Variants in CNTNAP2 observed in about 807,000 individuals in gnomAD.
The protein encoded by CNTNAP2 is contactin-associated protein-like 2.
In CNTNAP2, 98 loss-of-function variants were observed where a neutral mutation model predicts 155.2. That is an observed-to-expected ratio of 0.63 (90% CI 0.54 to 0.75). CNTNAP2 has a LOEUF of 0.75. Ranked by LOEUF, CNTNAP2 falls within the 30% of genes least tolerant of loss-of-function variation. The pLI, the probability that CNTNAP2 is intolerant of heterozygous loss-of-function variation, is 0.00. For missense variants in CNTNAP2, 1,727 were observed against 1,688.1 expected (o/e 1.02, Z -0.40); for synonymous variants, 651 against 631.2 (o/e 1.03, Z -0.47).
intron 20 of CNTNAP2, among the ~76,000 whole-genome samples, chr7:148,261,770 A>G (rs1269504555): frequency 6.6e-6 from 1 of 152,058 alleles, no homozygotes; most frequent in Non-Finnish European, 1.5e-5. Flanking sequence ...CATGGCTGAG[A>G]CGCTAGGGTC....
chr7:146,565,607 T>C (rs1295339550), intron 1 of CNTNAP2, among the ~76,000 whole-genome samples: 4 of 152,230 alleles, frequency 2.6e-5, no homozygotes, highest in Non-Finnish European at 4.4e-5. Context: ...TGAATAAGAC[T>C]GATTAGATGC....
rs563723513 is a variant in CNTNAP2 at position 146,238,748 on chromosome 7, AGCATG to A, written c.97+121778_97+121782del. ...AAGAGGCAAAACTGACTCACAGTTG[AGCATG>A]GCTGGGGAGGCCTCAGGAAACTTGC... On this transcript the variant is annotated intron_variant, in intron 1 of 23. Transcript: ENST00000361727. Among the ~76,000 whole-genome samples the A allele has an allele frequency of 8.1e-3, 1,239 of 152,212 alleles. 18 individuals are homozygous for A. Among genetic ancestry groups the A allele is most frequent in the African/African-American group, 0.028 (1,151 of 41,488 alleles).
intron 14 of CNTNAP2, among the ~76,000 whole-genome samples, chr7:147,951,721 G>A (rs1251640377): frequency 2.0e-5 from 3 of 151,548 alleles, no homozygotes; most frequent in Non-Finnish European, 2.9e-5. Context: ...TGAAAAATGA[G>A]AACACATGGA....
chr7:148,325,541 T>A (rs1287260973), intron 21 of CNTNAP2, among the ~76,000 whole-genome samples: 1 of 152,244 alleles, frequency 6.6e-6, no homozygotes, highest in Non-Finnish European at 1.5e-5. Context: ...GAAAACCATT[T>A]CAGCATCTAA....
intron 13 of CNTNAP2, among the ~76,000 whole-genome samples, chr7:147,839,338 G>C (rs1314019595): frequency 6.6e-6 from 1 of 151,990 alleles, no homozygotes; most frequent in African/African-American, 2.4e-5. Context: ...AACCATCACA[G>C]GTACCTAATA....
At chr7:146,891,649 G>A (rs1795779776) in intron 3 of CNTNAP2, among the ~76,000 whole-genome samples, 1 of 152,048 alleles carries the variant, frequency 6.6e-6, no homozygotes. Context: ...ACAATAATAT[G>A]ACATTATGAA....
intron 15 of CNTNAP2, among the ~76,000 whole-genome samples, chr7:148,058,200 G>A (rs1446872513): frequency 2.0e-5 from 3 of 152,106 alleles, no homozygotes; most frequent in Non-Finnish European, 4.4e-5. Flanking sequence ...CAGGTCAGGT[G>A]AAGCTAGTCT....
intron 1 of CNTNAP2, among the ~76,000 whole-genome samples, chr7:146,727,438 C>T (rs1801450284): frequency 6.6e-6 from 1 of 152,154 alleles, no homozygotes; most frequent in African/African-American, 2.4e-5. Flanking sequence ...GCACTTACCA[C>T]AGGAAGGATA....
intron 11 of CNTNAP2, among the ~76,000 whole-genome samples, chr7:147,557,255 C>T (rs1018762317): frequency 6.6e-6 from 1 of 151,740 alleles, no homozygotes; most frequent in Non-Finnish European, 1.5e-5. Flanking sequence ...CAGAGCCAGA[C>T]TCCATCTCAA....
intron 14 of CNTNAP2, 110 bp downstream of exon 14, chr7:147,903,831 G>A (rs1585020214): frequency 2.2e-6 from 3 of 1,376,564 alleles, no homozygotes; most frequent in South Asian, 1.2e-5. Context: ...CGATAATAGG[G>A]TAGAAAGGTC....
At chr7:147,529,833 T>C (rs563484803) in intron 11 of CNTNAP2, among the ~76,000 whole-genome samples, 1 of 152,196 alleles carries the variant, frequency 6.6e-6, no homozygotes, top group Admixed American at 6.5e-5. Flanking sequence ...ATTTCCATAA[T>C]GTTCCATTAT....
chr7:147,556,952 A>G (rs79200236), intron 11 of CNTNAP2, among the ~76,000 whole-genome samples: 3,816 of 152,302 alleles, frequency 0.025, 118 homozygotes, highest in Non-Finnish European at 0.032. Flanking sequence ...ATGAAAATGA[A>G]TAAGACATTT....
intron 8 of CNTNAP2, among the ~76,000 whole-genome samples, chr7:147,180,035 G>A (rs774745607): frequency 6.6e-5 from 10 of 152,086 alleles, no homozygotes; most frequent in Non-Finnish European, 1.0e-4. Context: ...GTCATTTTAC[G>A]AAGGGTGACC....
chr7:146,858,484 A>G (rs920665674), intron 3 of CNTNAP2, among the ~76,000 whole-genome samples: 2 of 152,210 alleles, frequency 1.3e-5, no homozygotes, highest in African/African-American at 4.8e-5. Flanking sequence ...ACTTGAGCCC[A>G]GGAGTTTGAG....
chr7:147,885,749 T>C (rs1469324770), intron 13 of CNTNAP2, among the ~76,000 whole-genome samples: 1 of 152,198 alleles, frequency 6.6e-6, no homozygotes, highest in African/African-American at 2.4e-5. Flanking sequence ...CTTGGAACAC[T>C]GGAACATTTA....
At chr7:148,029,392 T>C (rs1251447427) in intron 15 of CNTNAP2, among the ~76,000 whole-genome samples, 2 of 152,160 alleles carry the variant, frequency 1.3e-5, no homozygotes, top group African/African-American at 2.4e-5. Flanking sequence ...CCCCCAACAA[T>C]AGGTGTGAAT....
At chr7:146,678,976 G>T (rs534771180) in intron 1 of CNTNAP2, among the ~76,000 whole-genome samples, 1 of 152,166 alleles carries the variant, frequency 6.6e-6, no homozygotes, top group South Asian at 2.1e-4. Context: ...CACTTTTCAG[G>T]ATTGTCTTTC....
At chr7:148,291,171 G>A (rs7779924) in intron 21 of CNTNAP2, among the ~76,000 whole-genome samples, 60,456 of 151,558 alleles carry the variant, frequency 0.4, 12,655 homozygotes, top group East Asian at 0.65. Flanking sequence ...TTCAGAGGCC[G>A]TACTGACTTC....
intron 15 of CNTNAP2, among the ~76,000 whole-genome samples, chr7:148,088,647 G>A (rs2116559850): frequency 6.6e-6 from 1 of 151,946 alleles, no homozygotes; most frequent in African/African-American, 2.4e-5. Context: ...AACCATTAAT[G>A]AGTGAGGAAA....
Sources: gnomAD v4.1 joint callset for allele counts (sites outside exome capture counted in the v4.1 genomes callset) on GRCh38, gnomAD v4.1.1 for gene constraint, MANE v1.5 for transcripts, NCBI Gene and HGNC (gene_info 2026-07-23, HGNC 2026-07-21) for gene names.